The following HDAC5 variants were observed in gnomAD, a reference collection of about 807,000 sequenced individuals.
The protein encoded by HDAC5 is antigen NY-CO-9.
Under a neutral mutation model 133.3 loss-of-function variants are expected in HDAC5, and 25 were observed. The ratio of observed to expected loss-of-function variants is 0.19; its 90% CI spans 0.14 to 0.26. HDAC5 has a LOEUF of 0.26. Among genes scored for constraint, HDAC5 ranks in the 10% least tolerant of loss-of-function variants. HDAC5 has a pLI of 1.00. For missense variants in HDAC5, 1,041 were observed against 1,460.5 expected, an observed-to-expected ratio of 0.71 and a Z score of 4.68; for synonymous variants, 589 against 610.8, an observed-to-expected ratio of 0.96 and a Z score of 0.53.
chr17:44,101,978 G>A (rs971466348), intron 3 of HDAC5, among the ~76,000 whole-genome samples: 4 of 152,226 alleles, frequency 2.6e-5, no homozygotes, highest in African/African-American at 7.2e-5. Flanking sequence ...CCTCAGGGAG[G>A]AAGATCACCG....
chr17:44,093,229 C>G (rs1368573584), intron 5 of HDAC5, 23 bp from the exon 6 acceptor site: 3 of 1,595,660 alleles, frequency 1.9e-6, no homozygotes, highest in East Asian at 4.5e-5. Context: ...GCACAACTGA[C>G]CTGGCTGCTT....
chr17:44,087,748 C>A, intron 12 of HDAC5, 52 bp from the exon 13 acceptor site: 1 of 1,514,162 alleles, frequency 6.6e-7, no homozygotes, highest in Non-Finnish European at 8.8e-7. Flanking sequence ...AGCAGCTGTG[C>A]AGCCTAAAAC....
chr17:44,100,382 G>T (rs2051518025), intron 3 of HDAC5, among the ~76,000 whole-genome samples: 1 of 151,942 alleles, frequency 6.6e-6, no homozygotes, highest in Non-Finnish European at 1.5e-5. Flanking sequence ...GTGTGGACCT[G>T]CCTGGCAGAC....
intron 2 of HDAC5, among the ~76,000 whole-genome samples, chr17:44,113,400 G>A (rs1053850532): frequency 1.1e-4 from 16 of 152,180 alleles, no homozygotes; most frequent in Admixed American, 2.0e-4. Context: ...ATCAGACACA[G>A]TCAGAAAATC....
chr17:44,122,986 C>T (rs2053103935), intron 1 of HDAC5, among the ~76,000 whole-genome samples: 1 of 152,188 alleles, frequency 6.6e-6, no homozygotes, highest in Non-Finnish European at 1.5e-5. Flanking sequence ...CCGCAGTCCC[C>T]CTCCTCATGC....
rs554086321 is a variant in HDAC5, at chr17:44,093,557, C to T, written c.354+18G>A. The stretch of plus-strand genomic sequence containing the variant: ...GGGATCGGAGGTCTGGGCGGCCCCC[C>T]GCACCCCCCTCGCTCACCTTGAGGT... On this transcript the variant is annotated intron_variant, in intron 4 of 26. Coordinates refer to ENST00000682912, the MANE Select transcript of HDAC5 (RefSeq NM_005474.5). 8 of 1,599,394 alleles carry T rather than the reference C, an allele frequency of 5.0e-6. No individual in the cohort carries two copies. Among genetic ancestry groups the T allele is most frequent in the East Asian group, 2.2e-5 (1 of 44,658 alleles).
chr17:44,109,170 T>C (rs1455997095), intron 3 of HDAC5, among the ~76,000 whole-genome samples: 1 of 152,208 alleles, frequency 6.6e-6, no homozygotes, highest in Non-Finnish European at 1.5e-5. Context: ...CAGGGCAGGA[T>C]GGGTGGACCT....
At chr17:44,091,146 A>C in intron 11 of HDAC5, 124 bp downstream of exon 11, 1 of 786,650 alleles carries the variant, frequency 1.3e-6, no homozygotes, top group South Asian at 1.5e-5. Flanking sequence ...ATGTTTCCAG[A>C]ATGTGGAAGA....
chr17:44,090,473 CA>C (rs1391658069), intron 11 of HDAC5, among the ~76,000 whole-genome samples: 1 of 151,706 alleles, frequency 6.6e-6, no homozygotes, highest in Non-Finnish European at 1.5e-5. Context: ...CTCCTGGGTT[CA>C]AGCAATTTTC....
chr17:44,092,952 C>T (rs923643727), intron 6 of HDAC5, 140 bp downstream of exon 6: 6 of 665,512 alleles, frequency 9.0e-6, no homozygotes, highest in Non-Finnish European at 1.5e-5. Context: ...AGGAAATAAA[C>T]CAGGGATGGG....
At chr17:44,088,283 G>C in intron 12 of HDAC5, 104 bp downstream of exon 12, 3 of 1,464,962 alleles carry the variant, frequency 2.0e-6, no homozygotes, top group Non-Finnish European at 2.7e-6. Flanking sequence ...AATCAGGCGC[G>C]AGCCACCGTG....
intron 2 of HDAC5, among the ~76,000 whole-genome samples, chr17:44,116,413 AAGG>A (rs139844979): frequency 0.025 from 3,819 of 152,290 alleles, 75 homozygotes; most frequent in East Asian, 0.041. Flanking sequence ...GGAATATCTG[AAGG>A]AGAACAGCAA....
intron 3 of HDAC5, among the ~76,000 whole-genome samples, chr17:44,109,184 A>C (rs1490141933): frequency 6.6e-6 from 1 of 152,212 alleles, no homozygotes; most frequent in Non-Finnish European, 1.5e-5. Flanking sequence ...TGGACCTGAT[A>C]AGCCAGATGG....
rs769901991 is a variant in HDAC5 at position 44,083,690 on chromosome 17, C to T, written c.2356-38G>A. 2.5e-6 allele frequency: 4 copies of T among 1,590,380 alleles called. No individual in the cohort carries two copies. The South Asian group carries it at 3.3e-5, about 13-fold the overall frequency. The stretch of plus-strand genomic sequence containing the variant: ...AGAGCAGGTTTCAGTGTGCCCCCTG[C>T]AGGGCAAGAACAGGGGAGGGCACCT... On this transcript the variant is annotated intron_variant, in intron 17 of 26. Coordinates refer to ENST00000682912, the MANE Select transcript of HDAC5 (RefSeq NM_005474.5).
chr17:44,103,988 G>A (rs2051779388), intron 3 of HDAC5, among the ~76,000 whole-genome samples: 6 of 151,944 alleles, frequency 3.9e-5, no homozygotes, highest in South Asian at 4.2e-4. Flanking sequence ...AATTATACGC[G>A]TGAGCCACCA....
intron 2 of HDAC5, chr17:44,111,351 G>C: frequency 3.0e-6 from 1 of 330,268 alleles, no homozygotes; most frequent in Non-Finnish European, 6.0e-6. Flanking sequence ...CCATGGGGGG[G>C]GAGGCGGTTC....
At chr17:44,087,324 G>A (rs765431031) in intron 13 of HDAC5, 88 bp downstream of exon 13, 1 of 685,288 alleles carries the variant, frequency 1.5e-6, no homozygotes, top group African/African-American at 1.8e-5. Flanking sequence ...AACTGCAGAT[G>A]GGGGAGAGGG....
At position 44,080,837 on chromosome 17, in the gene HDAC5, G is replaced by A. The variant is rs373992866; in HGVS notation, c.2653C>T (p.Pro885Ser). The A allele has an allele frequency of 1.9e-5, 31 of 1,614,070 alleles. No homozygotes were observed. The highest frequency in any genetic ancestry group is 3.3e-5 in the Admixed American group (2 of 60,010). ...TGCAGAGAGATGTAGAGCACAGAGG[G>A]GTCATTGTAGAACGCCTGCTGGGTG... ...NGTQQAFYND[P>S]SVLYISLHRY... The change falls in exon 21 of 27, where the codon CCC becomes TCC. Residue 885 changes from proline to serine, a missense_variant. Pro to Ser is a moderately conservative substitution (Grantham distance 74). This residue lies in a region of HDAC5 where 174 missense variants were observed against 352.7 expected (regional missense o/e 0.49). Transcript: ENST00000682912.
intron 2 of HDAC5, among the ~76,000 whole-genome samples, chr17:44,115,426 G>A (rs1054369071): frequency 3.9e-5 from 6 of 152,212 alleles, no homozygotes; most frequent in South Asian, 2.1e-4. Flanking sequence ...GGCTTCAATC[G>A]GTGGTCTCAC....
Sources: gnomAD v4.1 joint callset for allele counts (sites outside exome capture counted in the v4.1 genomes callset) on GRCh38, gnomAD v4.1.1 for gene constraint, gnomAD v4.1.1 regional missense constraint, MANE v1.5 for transcripts, NCBI Gene and HGNC (gene_info 2026-07-23, HGNC 2026-07-21) for gene names.